ENPP1: variants seen among roughly 807,000 people sequenced by gnomAD.
The protein encoded by ENPP1 is ectonucleotide pyrophosphatase/phosphodiesterase 1.
ENPP1 carries 73 observed loss-of-function variants against 122.8 expected under a neutral mutation model. That is an observed-to-expected ratio of 0.59 (90% confidence interval 0.49 to 0.72). The LOEUF (loss-of-function observed/expected upper bound fraction) is 0.72, where lower values mean the gene tolerates loss of function less well. Among genes scored for constraint, ENPP1 ranks in the 30% least tolerant of loss-of-function variants. ENPP1 has a pLI of 0.00. For synonymous variants in ENPP1, 367 were observed against 391.6 expected, an observed-to-expected ratio of 0.94 and a Z score of 0.74; for missense variants, 978 against 1,128.1, an observed-to-expected ratio of 0.87 and a Z score of 1.91.
intron 1 of ENPP1, among the ~76,000 whole-genome samples, chr6:131,831,114 C>CA (rs3036850): frequency 0.17 from 10,082 of 59,658 alleles, 1,396 homozygotes; most frequent in African/African-American, 0.28. Context: ...GCCCATCTCT[C>CA]AAAAAAAAAA....
rs1225283736 is a variant in ENPP1, at chr6:131,893,724, T to A, written c.*3213T>A. 1 of 152,102 alleles carries A rather than the reference T, an allele frequency of 6.6e-6. No homozygotes were observed. Among genetic ancestry groups the A allele is most frequent in the Non-Finnish European group, 1.5e-5 (1 of 68,022 alleles). The allele number at this position is 152,102 out of a possible 1,614,324, so 9.4% of individuals were successfully genotyped here. A position where few individuals can be genotyped will look rare whatever the true frequency, so the allele number is the denominator to read the frequency against. On this transcript the variant is annotated 3_prime_UTR_variant, in exon 25 of 25. Coordinates refer to ENST00000647893, the MANE Select transcript of ENPP1 (RefSeq NM_006208.3). ...CTGTGGTTCTTACACAGTATTCCTT[T>A]TTTTCTTTTCTTGAAAGAGACTCCT...
rs1044498 is a variant in ENPP1, at chr6:131,851,228, A to C, written c.517A>C (p.Lys173Gln). The C allele has an allele frequency of 0.18, 286,112 of 1,613,790 alleles. 41,008 individuals carry two copies. Among genetic ancestry groups the C allele is most frequent in the African/African-American group, 0.79 (58,875 of 74,954 alleles). The stretch of plus-strand genomic sequence containing the variant: ...TGCCTGTTCAGATGACTGCAAGGAC[A>C]AGGGCGACTGCTGCATCAACTACAG... The part of the protein sequence containing the change: ...LCACSDDCKD[K>Q]GDCCINYSSV... Residue 173 changes from lysine to glutamine, a missense_variant, in exon 4 of 25, where the codon AAG (lysine) becomes CAG (glutamine). Lys to Gln is a moderately conservative substitution (Grantham distance 53). Transcript: ENST00000647893.
intron 12 of ENPP1, among the ~76,000 whole-genome samples, chr6:131,868,360 A>AT (rs1782115830): frequency 1.3e-5 from 2 of 152,220 alleles, no homozygotes; most frequent in South Asian, 4.1e-4. Context: ...ATAGCTAAAA[A>AT]ATATATATTT....
chr6:131,862,185 CAAA>C (rs1439984665), intron 9 of ENPP1, among the ~76,000 whole-genome samples: 1 of 149,618 alleles, frequency 6.7e-6, no homozygotes, highest in South Asian at 2.1e-4. Flanking sequence ...ACAACAAAAA[CAAA>C]AAAAAACAAC....
chr6:131,818,368 T>A (rs1481946134), intron 1 of ENPP1, among the ~76,000 whole-genome samples: 1 of 152,058 alleles, frequency 6.6e-6, no homozygotes, highest in Non-Finnish European at 1.5e-5. Context: ...TTGATGAGGC[T>A]GGTCGCGGTG....
At chr6:131,888,452 G>A (rs1473053404) in intron 24 of ENPP1, among the ~76,000 whole-genome samples, 1 of 152,020 alleles carries the variant, frequency 6.6e-6, no homozygotes, top group Non-Finnish European at 1.5e-5. Context: ...TTATAATCAG[G>A]TGCTCTAGGT....
chr6:131,851,571 A>T (rs772952673), intron 4 of ENPP1: 1 of 396,538 alleles, frequency 2.5e-6, no homozygotes, highest in Non-Finnish European at 4.7e-6. Flanking sequence ...TTTTGATAAT[A>T]GCAGCACACT....
chr6:131,837,986 T>G (rs1016365078), intron 1 of ENPP1, among the ~76,000 whole-genome samples: 1 of 152,192 alleles, frequency 6.6e-6, no homozygotes, highest in African/African-American at 2.4e-5. Flanking sequence ...TTATCTATCT[T>G]GCCTTATTTC....
chr6:131,855,473 A>G (rs1483828635), intron 6 of ENPP1, among the ~76,000 whole-genome samples: 2 of 152,072 alleles, frequency 1.3e-5, no homozygotes, highest in Admixed American at 6.6e-5. Context: ...TTTCAAGCAC[A>G]TGACACCATG....
intron 24 of ENPP1, among the ~76,000 whole-genome samples, chr6:131,887,729 T>A (rs1272647482): frequency 1.4e-5 from 2 of 147,372 alleles, no homozygotes; most frequent in Non-Finnish European, 3.0e-5. Context: ...CGGCTAATTT[T>A]TTTTTTTTTT....
Position 131,819,893 on chromosome 6 carries a change from C to T in ENPP1, c.240+11618C>T, listed in dbSNP as rs1050305583. 6 of 494,626 alleles carry T rather than the reference C, an allele frequency of 1.2e-5. No homozygotes were observed. In the Admixed American group the frequency reaches 1.7e-4, roughly 14 times the overall value. 30.6% of individuals were successfully genotyped at this position (494,626 alleles called of 1,614,324 possible). A position where few individuals can be genotyped will look rare whatever the true frequency, so the allele number is the denominator to read the frequency against. Reference sequence around the variant, plus strand: ...TTCTCTGGGGAGAGTTTCCCAGTGGCCCTCTTCCATCATCATATCTGGAAT... The same window carrying T: ...TTCTCTGGGGAGAGTTTCCCAGTGGTCCTCTTCCATCATCATATCTGGAAT... On this transcript the variant is annotated intron_variant, in intron 1 of 24. Transcript: ENST00000647893.
At chr6:131,874,074 A>T (rs979671808) in intron 15 of ENPP1, among the ~76,000 whole-genome samples, 194 bp from the exon 16 acceptor site, 1 of 152,162 alleles carries the variant, frequency 6.6e-6, no homozygotes, top group Non-Finnish European at 1.5e-5. Context: ...TATATTGCTT[A>T]TAGTTAATTT....
chr6:131,816,253 G>A (rs922096695), intron 1 of ENPP1, among the ~76,000 whole-genome samples: 1 of 151,722 alleles, frequency 6.6e-6, no homozygotes, highest in African/African-American at 2.4e-5. Context: ...TCTTACTATG[G>A]GGAGAGGCAT....
chr6:131,892,034 C>G lies in ENPP1; in HGVS notation c.*1523C>G, dbSNP rs779519115. 5 of 152,056 alleles carry G rather than the reference C, an allele frequency of 3.3e-5. No homozygotes were observed. Among genetic ancestry groups the G allele is most frequent in the Non-Finnish European group, 7.4e-5 (5 of 67,968 alleles). 9.4% of individuals were successfully genotyped at this position (152,056 alleles called of 1,614,324 possible). On this transcript the variant is annotated 3_prime_UTR_variant, in exon 25 of 25. Transcript: ENST00000647893. The stretch of plus-strand genomic sequence containing the variant: ...TCTTTGCTGAGACTTTCTACGTTTT[C>G]ATTTGTTTCAAGTGCATTTATACTT...
intron 15 of ENPP1, among the ~76,000 whole-genome samples, chr6:131,873,927 A>G (rs1782195345): frequency 6.6e-6 from 1 of 152,126 alleles, no homozygotes; most frequent in African/African-American, 2.4e-5. Flanking sequence ...ATATCATTGA[A>G]TTTTTACAAA....
At chr6:131,867,823 T>A (rs534673060) in intron 11 of ENPP1, among the ~76,000 whole-genome samples, 195 bp from the exon 12 acceptor site, 3 of 152,326 alleles carry the variant, frequency 2.0e-5, no homozygotes, top group Admixed American at 2.0e-4. Flanking sequence ...TTTGTATCTC[T>A]GACCCTGACC....
intron 2 of ENPP1, among the ~76,000 whole-genome samples, chr6:131,848,505 T>C (rs1781841607): frequency 6.6e-6 from 1 of 152,290 alleles, no homozygotes; most frequent in Non-Finnish European, 1.5e-5. Context: ...GGCTATTCTG[T>C]GATTGTAATA....
At chr6:131,827,552 G>T in intron 1 of ENPP1, 1 of 604,916 alleles carries the variant, frequency 1.7e-6, no homozygotes, top group South Asian at 1.8e-5. Flanking sequence ...CATGTCAACT[G>T]AACAGTCAAT....
chr6:131,858,881 TCTG>T, intron 7 of ENPP1, 134 bp downstream of exon 7: 1 of 728,890 alleles, frequency 1.4e-6, no homozygotes, highest in South Asian at 1.5e-5. Context: ...AAACCCAGGT[TCTG>T]ATCTTTGCTC....
Sources: gnomAD v4.1 joint callset for allele counts (sites outside exome capture counted in the v4.1 genomes callset) on GRCh38, gnomAD v4.1.1 for gene constraint, MANE v1.5 for transcripts, NCBI Gene and HGNC (gene_info 2026-07-23, HGNC 2026-07-21) for gene names.